TSPAN7: variants seen among roughly 807,000 people sequenced by gnomAD.
TSPAN7 encodes tetraspanin-7.
In TSPAN7, 1 loss-of-function variant was observed where a neutral mutation model predicts 17.6. That is an observed-to-expected ratio of 0.06 (90% CI 0.02 to 0.27). The LOEUF (loss-of-function observed/expected upper bound fraction) is 0.27. Ranked by LOEUF, TSPAN7 falls within the 10% of genes least tolerant of loss-of-function variation. TSPAN7 has a pLI of 1.00. For missense variants in TSPAN7, 112 were observed against 201.7 expected (o/e 0.56, Z 2.69); for synonymous variants, 78 against 79.0 (o/e 0.99, Z 0.07).
chrX:38,651,050 C>CATATATATATATAT (rs34201318), intron 1 of TSPAN7, among the ~76,000 whole-genome samples: 984 of 98,007 alleles, frequency 0.01, 17 homozygotes, highest in African/African-American at 0.036. Context: ...AATGTGATTA[C>CATATATATATATAT]ATATATATAT....
At chrX:38,597,115 T>C (rs1003311717) in intron 1 of TSPAN7, among the ~76,000 whole-genome samples, 1 of 111,323 alleles carries the variant, frequency 9.0e-6, no homozygotes, top group African/African-American at 3.3e-5. Flanking sequence ...TTGTGGATTC[T>C]ATATTTGCAA....
chrX:38,624,869 T>C (rs749477211), intron 1 of TSPAN7, among the ~76,000 whole-genome samples: 1 of 112,692 alleles, frequency 8.9e-6, no homozygotes, highest in Admixed American at 9.3e-5. Flanking sequence ...GTCCCAGGAA[T>C]CAGGATTTTT....
At chrX:38,589,120 T>C (rs980656460) in intron 1 of TSPAN7, among the ~76,000 whole-genome samples, 4 of 111,990 alleles carry the variant, frequency 3.6e-5, no homozygotes, top group Admixed American at 1.9e-4. Context: ...TTCTATTTGG[T>C]ATTGCTCAAG....
intron 1 of TSPAN7, among the ~76,000 whole-genome samples, chrX:38,649,788 G>C (rs1311975817): frequency 8.9e-6 from 1 of 112,331 alleles, no homozygotes; most frequent in African/African-American, 3.2e-5. Flanking sequence ...CAGGAGGAAA[G>C]GGATAGCCAA....
At chrX:38,641,315 G>A (rs1348011449) in intron 1 of TSPAN7, among the ~76,000 whole-genome samples, 1 of 112,322 alleles carries the variant, frequency 8.9e-6, no homozygotes, top group African/African-American at 3.2e-5. Context: ...AAAACTGTGC[G>A]ATACTAGTAA....
At chrX:38,598,046 A>C (rs750340109) in intron 1 of TSPAN7, among the ~76,000 whole-genome samples, 12 of 111,322 alleles carry the variant, frequency 1.1e-4, no homozygotes, top group Admixed American at 3.8e-4. Context: ...GTGTATGTTA[A>C]GCTCATTTTT....
intron 1 of TSPAN7, among the ~76,000 whole-genome samples, chrX:38,571,804 G>T (rs1870631919): frequency 9.0e-6 from 1 of 110,982 alleles, no homozygotes; most frequent in Non-Finnish European, 1.9e-5. Flanking sequence ...GGGCTGTGAT[G>T]CCATTTGATA....
chrX:38,571,613 C>T (rs2069169769), intron 1 of TSPAN7, among the ~76,000 whole-genome samples: 2 of 111,059 alleles, frequency 1.8e-5, no homozygotes, highest in African/African-American at 6.5e-5. Flanking sequence ...CTTAGGAGAC[C>T]ATGCTAATCA....
chrX:38,605,135 C>T (rs1317759980), intron 1 of TSPAN7, among the ~76,000 whole-genome samples: 24 of 108,584 alleles, frequency 2.2e-4, no homozygotes, highest in Non-Finnish European at 3.8e-4. Flanking sequence ...TGTTTGCAGA[C>T]GACATGATTG....
intron 1 of TSPAN7, among the ~76,000 whole-genome samples, chrX:38,592,545 G>T (rs1395165754): frequency 9.4e-6 from 1 of 105,952 alleles, no homozygotes; most frequent in African/African-American, 3.4e-5. Context: ...TCTTTATTTT[G>T]TGCTTTTATT....
At chrX:38,635,835 C>T (rs765546139) in intron 1 of TSPAN7, among the ~76,000 whole-genome samples, 1 of 111,338 alleles carries the variant, frequency 9.0e-6, no homozygotes, top group South Asian at 3.8e-4. Context: ...CACCCCAAAG[C>T]CCATTTTCTA....
intron 1 of TSPAN7, among the ~76,000 whole-genome samples, chrX:38,572,534 C>T (rs1212557797): frequency 9.0e-6 from 1 of 111,662 alleles, no homozygotes; most frequent in Non-Finnish European, 1.9e-5. Flanking sequence ...CCTCAGACTG[C>T]TATTCTTCTT....
intron 5 of TSPAN7, among the ~76,000 whole-genome samples, chrX:38,678,934 G>T (rs891400604): frequency 1.8e-5 from 2 of 111,755 alleles, no homozygotes; most frequent in Non-Finnish European, 1.9e-5. Context: ...GATTCAGTAG[G>T]TCTGGGGTGG....
At chrX:38,641,967 A>G (rs2069614644) in intron 1 of TSPAN7, among the ~76,000 whole-genome samples, 1 of 111,910 alleles carries the variant, frequency 8.9e-6, no homozygotes, top group African/African-American at 3.3e-5. Flanking sequence ...TTTCATTACA[A>G]AGTATAAAAT....
intron 5 of TSPAN7, among the ~76,000 whole-genome samples, chrX:38,680,672 G>A (rs1329614860): frequency 1.8e-5 from 2 of 109,062 alleles, no homozygotes; most frequent in African/African-American, 6.7e-5. Context: ...CCATAAAGTT[G>A]GCAGATATTC....
At chrX:38,574,966 C>A (rs1029060305) in intron 1 of TSPAN7, among the ~76,000 whole-genome samples, 21 of 110,613 alleles carry the variant, frequency 1.9e-4, no homozygotes, top group African/African-American at 6.9e-4. Flanking sequence ...ACTATGTGTG[C>A]ATGATTTTAT....
intron 1 of TSPAN7, among the ~76,000 whole-genome samples, chrX:38,659,672 T>TTTG: frequency 9.2e-6 from 1 of 108,257 alleles, no homozygotes; most frequent in East Asian, 2.9e-4. Context: ...TAATTTTTTT[T>TTTG]TTTTTTTGAG....
At chrX:38,608,911 A>G (rs2069401351) in intron 1 of TSPAN7, among the ~76,000 whole-genome samples, 1 of 112,112 alleles carries the variant, frequency 8.9e-6, no homozygotes, top group Non-Finnish European at 1.9e-5. Context: ...GCTATGCTAC[A>G]GGACCCCATT....
chrX:38,601,323 T>C (rs1216566136), intron 1 of TSPAN7, among the ~76,000 whole-genome samples: 6 of 111,594 alleles, frequency 5.4e-5, no homozygotes. Flanking sequence ...GGGAGTAATT[T>C]CTAAGAACAC....
Sources: allele counts gnomAD v4.1 joint callset (sites outside exome capture counted in the v4.1 genomes callset), GRCh38; gene constraint gnomAD v4.1.1; transcripts MANE v1.5; gene names NCBI Gene and HGNC (gene_info 2026-07-23, HGNC 2026-07-21).